Variants in RGS5 observed in about 807,000 individuals in gnomAD.
RGS5 encodes regulator of G protein signaling 5.
A neutral mutation model predicts 18.9 loss-of-function variants in RGS5; 20 were observed. The ratio of observed to expected loss-of-function variants is 1.06; its 90% CI spans 0.74 to 1.54. RGS5 has a LOEUF of 1.54. RGS5 is among the 40% of genes most tolerant of loss of function. The pLI, the probability that RGS5 is intolerant of heterozygous loss-of-function variation, is 0.00. For synonymous variants in RGS5, 57 were observed against 76.2 expected, an observed-to-expected ratio of 0.75 and a Z score of 1.31; for missense variants, 201 against 211.8, an observed-to-expected ratio of 0.95 and a Z score of 0.32.
At chr1:163,255,951 G>C (rs1173294684) in intron 2 of RGS5, among the ~76,000 whole-genome samples, 1 of 152,034 alleles carries the variant, frequency 6.6e-6, no homozygotes, top group Non-Finnish European at 1.5e-5. Context: ...GGTATTGATG[G>C]GATGTATCTC....
chr1:163,154,041 A>G (rs1657488228), intron 3 of RGS5, among the ~76,000 whole-genome samples: 1 of 152,168 alleles, frequency 6.6e-6, no homozygotes, highest in African/African-American at 2.4e-5. Context: ...GATTATTGTC[A>G]CCAGTACTTT....
rs1259039072 is a variant in RGS5, at chr1:163,246,196, G to A, written c.-281+60037C>T. On this transcript the variant is annotated intron_variant, in intron 2 of 5. Transcript: ENST00000618415. The stretch of plus-strand genomic sequence containing the variant: ...AGATCGCGCCACTGCACTCCAGCCT[G>A]GGCGACAGAGCGAGACTCCATCTTA... Among the ~76,000 whole-genome samples the A allele has an allele frequency of 3.3e-5, 5 of 150,958 alleles. No homozygotes were observed. In the East Asian group the frequency reaches 9.7e-4, roughly 29 times the overall value.
intron 1 of RGS5, among the ~76,000 whole-genome samples, chr1:163,315,713 G>C (rs1217239666): frequency 6.6e-6 from 1 of 152,164 alleles, no homozygotes; most frequent in Non-Finnish European, 1.5e-5. Context: ...CACTAATAAA[G>C]ATGAACACAG....
chr1:163,304,001 C>T (rs916068351), intron 2 of RGS5, among the ~76,000 whole-genome samples: 1 of 152,122 alleles, frequency 6.6e-6, no homozygotes, highest in African/African-American at 2.4e-5. Flanking sequence ...AAACTGTCTT[C>T]CAAAAATGAG....
rs1657049273 is a variant in RGS5, at chr1:163,144,440, C to A, written c.*2902G>T. 1 of 152,266 alleles carries A rather than the reference C, an allele frequency of 6.6e-6. No homozygotes were observed. Among genetic ancestry groups the A allele is most frequent in the African/African-American group, 2.4e-5 (1 of 41,428 alleles). 9.4% of individuals were successfully genotyped at this position (152,266 alleles called of 1,614,324 possible). On this transcript the variant is annotated 3_prime_UTR_variant, in exon 5 of 5. Transcript: ENST00000313961. ...GTTACAGGCAACTACCTGGGCTAAT[C>A]TTAGGTTTTTTTCTCAAGAGTGAGA...
At chr1:163,186,129 T>G (rs1380337582) in intron 1 of RGS5, among the ~76,000 whole-genome samples, 2 of 150,724 alleles carry the variant, frequency 1.3e-5, no homozygotes, top group African/African-American at 4.9e-5. Context: ...TGGAGTGCAG[T>G]GGTGCAATCT....
intron 1 of RGS5, among the ~76,000 whole-genome samples, chr1:163,198,832 G>A (rs1659670913): frequency 6.6e-6 from 1 of 151,774 alleles, no homozygotes; most frequent in Non-Finnish European, 1.5e-5. Flanking sequence ...ATTTTTTGTT[G>A]TTGTTTGTTT....
chr1:163,240,128 A>C (rs1647749309), intron 2 of RGS5, among the ~76,000 whole-genome samples: 1 of 152,172 alleles, frequency 6.6e-6, no homozygotes, highest in Non-Finnish European at 1.5e-5. Flanking sequence ...TTACCAAAAG[A>C]AATAAAAAGA....
At chr1:163,226,783 T>TG (rs958729434) in intron 2 of RGS5, among the ~76,000 whole-genome samples, 1 of 152,076 alleles carries the variant, frequency 6.6e-6, no homozygotes, top group Non-Finnish European at 1.5e-5. Flanking sequence ...TTATATCCAG[T>TG]GGGAAAAAAG....
At chr1:163,313,580 A>G (rs1649932112) in intron 1 of RGS5, among the ~76,000 whole-genome samples, 2 of 152,316 alleles carry the variant, frequency 1.3e-5, no homozygotes, top group South Asian at 2.1e-4. Context: ...CAACCCACCC[A>G]AAGGCTTATG....
intron 1 of RGS5, among the ~76,000 whole-genome samples, chr1:163,171,874 C>G (rs990676135): frequency 2.0e-5 from 3 of 152,136 alleles, no homozygotes; most frequent in Non-Finnish European, 4.4e-5. Context: ...TGGAAACAAT[C>G]ACAAACGGGT....
At chr1:163,179,934 T>G (rs1262419111) in intron 1 of RGS5, among the ~76,000 whole-genome samples, 2 of 152,220 alleles carry the variant, frequency 1.3e-5, no homozygotes, top group African/African-American at 4.8e-5. Context: ...TCATAATTTA[T>G]AAATGCTCCA....
rs75461097 is a variant in RGS5, at chr1:163,173,011, A to G, written c.45-4643T>C. Among the ~76,000 whole-genome samples the G allele has an allele frequency of 5.0e-3, 755 of 152,358 alleles. 6 individuals carry two copies. Among genetic ancestry groups the G allele is most frequent in the African/African-American group, 0.018 (728 of 41,582 alleles). ...AAAATTCAAACAAAACAATAGCTCC[A>G]GCTTACCAAACTATTTTCCCTTTAT... On this transcript the variant is annotated intron_variant, in intron 1 of 4. Transcript: ENST00000313961.
intron 1 of RGS5, chr1:163,321,338 G>A (rs1317885732): frequency 6.6e-6 from 1 of 152,204 alleles, no homozygotes; most frequent in Non-Finnish European, 1.5e-5. Flanking sequence ...GATTTGACCA[G>A]ATGAACTGTT....
chr1:163,181,546 G>A (rs969285905), intron 1 of RGS5, among the ~76,000 whole-genome samples: 4 of 152,246 alleles, frequency 2.6e-5, no homozygotes, highest in East Asian at 1.9e-4. Flanking sequence ...CCAAGTTCTC[G>A]TGGCCAGTAA....
chr1:163,264,493 C>T (rs1249774304), intron 2 of RGS5, among the ~76,000 whole-genome samples: 1 of 152,160 alleles, frequency 6.6e-6, no homozygotes, highest in Non-Finnish European at 1.5e-5. Flanking sequence ...ACACCCCACA[C>T]ATTTCATCCT....
At chr1:163,205,769 G>C (rs1281866644), upstream of RGS5, among the ~76,000 whole-genome samples, 1 of 152,198 alleles carries the variant, frequency 6.6e-6, no homozygotes, top group Non-Finnish European at 1.5e-5. Context: ...AGATGAAAAG[G>C]ATCTCCTGCC....
upstream of RGS5, among the ~76,000 whole-genome samples, chr1:163,203,865 T>C (rs1428490269): frequency 6.7e-6 from 1 of 149,992 alleles, no homozygotes; most frequent in East Asian, 2.0e-4. Context: ...GAATTGTGTC[T>C]TATCTTGTCG....
At chr1:163,193,824 G>A (rs1659452519) in intron 1 of RGS5, among the ~76,000 whole-genome samples, 1 of 152,088 alleles carries the variant, frequency 6.6e-6, no homozygotes, top group South Asian at 2.1e-4. Flanking sequence ...CATCCTCAAG[G>A]ATGAAAACTT....
Sources: gnomAD v4.1 joint callset for allele counts (sites outside exome capture counted in the v4.1 genomes callset) on GRCh38, gnomAD v4.1.1 for gene constraint, MANE v1.5 for transcripts, NCBI Gene and HGNC (gene_info 2026-07-23, HGNC 2026-07-21) for gene names.